Variants in CERK observed in about 807,000 individuals in gnomAD.
CERK encodes acylsphingosine kinase.
A neutral mutation model predicts 63.4 loss-of-function variants in CERK; 39 were observed. That is an observed-to-expected ratio of 0.61 (90% CI 0.48 to 0.80). The LOEUF is 0.80. Ranked by LOEUF, CERK falls within the 30% of genes least tolerant of loss-of-function variation. The probability of loss-of-function intolerance (pLI) is 0.00; values close to 1 mark genes in which losing one functional copy is unlikely to be tolerated. For missense variants in CERK, 670 were observed against 714.1 expected, an observed-to-expected ratio of 0.94 and a Z score of 0.70; for synonymous variants, 302 against 280.0, an observed-to-expected ratio of 1.08 and a Z score of -0.78.
At chr22:46,736,033 C>T (rs1379138976) in intron 1 of CERK, among the ~76,000 whole-genome samples, 2 of 152,176 alleles carry the variant, frequency 1.3e-5, no homozygotes, top group Non-Finnish European at 2.9e-5. Context: ...GGGCCACCAG[C>T]CAGGGCCCCA....
chr22:46,711,309 G>A (rs1401751232), intron 4 of CERK, among the ~76,000 whole-genome samples, 160 bp from the exon 5 acceptor site: 2 of 152,142 alleles, frequency 1.3e-5, no homozygotes. Context: ...TTATGGGACG[G>A]GATCAAGCTG....
chr22:46,703,698 C>G (rs910013804), intron 6 of CERK, among the ~76,000 whole-genome samples: 2 of 152,230 alleles, frequency 1.3e-5, no homozygotes, highest in Non-Finnish European at 2.9e-5. Context: ...GTCCAAGCCA[C>G]CAGCGTTCTC....
chr22:46,715,161 T>C (rs1490969269), intron 3 of CERK, among the ~76,000 whole-genome samples: 2 of 152,176 alleles, frequency 1.3e-5, no homozygotes, highest in Non-Finnish European at 2.9e-5. Flanking sequence ...ACATCATTCT[T>C]AATGGTGAAA....
rs1279298791 is a variant in CERK, at chr22:46,720,030, C to G, written c.379+56G>C. ...AGACACTTCAGGAAGATCACCCAATCAGGCATGCGCATGCCACCACGGCCA... is the reference window on the plus strand; with the variant it reads ...AGACACTTCAGGAAGATCACCCAATGAGGCATGCGCATGCCACCACGGCCA... On this transcript the variant is annotated intron_variant, in intron 3 of 12. Coordinates refer to ENST00000216264, the MANE Select transcript of CERK (RefSeq NM_022766.6). 3.5e-5 allele frequency: 56 copies of G among 1,579,376 alleles called. 1 individual carries two copies. The highest frequency in any genetic ancestry group is 4.7e-5 in the Non-Finnish European group (55 of 1,159,070).
chr22:46,696,887 C>T (rs1336474662), intron 8 of CERK, among the ~76,000 whole-genome samples: 1 of 152,218 alleles, frequency 6.6e-6, no homozygotes, highest in Non-Finnish European at 1.5e-5. Flanking sequence ...CCCACCCCAG[C>T]AGGCAGGGAC....
chr22:46,685,078 G>GA lies in CERK; in HGVS notation c.*2055_*2056insT, dbSNP rs71818735. The GA allele has an allele frequency of 3.2e-5, 2 of 62,528 alleles. No homozygotes were observed. Among genetic ancestry groups the GA allele is most frequent in the African/African-American group, 1.2e-4 (2 of 16,226 alleles). 3.9% of individuals were successfully genotyped at this position (62,528 alleles called of 1,614,324 possible). A position where few individuals can be genotyped will look rare whatever the true frequency, so the allele number is the denominator to read the frequency against. ...GTATGGGAAACTTTTTTTTTTGTTGGGGGGGGCGATGGAGTCTCCCTCTGT... is the reference window on the plus strand; with the variant it reads ...GTATGGGAAACTTTTTTTTTTGTTGGAGGGGGGCGATGGAGTCTCCCTCTGT... On this transcript the variant is annotated 3_prime_UTR_variant, in exon 13 of 13. Transcript: ENST00000216264.
At chr22:46,705,890 G>C (rs2082810362) in intron 6 of CERK, among the ~76,000 whole-genome samples, 2 of 152,058 alleles carry the variant, frequency 1.3e-5, no homozygotes, top group Admixed American at 1.3e-4. Flanking sequence ...AAAAAAAGTT[G>C]GCCGAGTGTG....
At chr22:46,696,281 G>A (rs550464604) in intron 8 of CERK, among the ~76,000 whole-genome samples, 1 of 152,344 alleles carries the variant, frequency 6.6e-6, no homozygotes, top group South Asian at 2.1e-4. Context: ...CAGGTGCCTG[G>A]AATGCACTCA....
Position 46,693,470 on chromosome 22 carries a change from C to T in CERK, c.1083G>A (p.Leu361=). The T allele has an allele frequency of 6.2e-7, 1 of 1,614,208 alleles. No individual in the cohort carries two copies. The highest frequency in any genetic ancestry group is 8.5e-7 in the Non-Finnish European group (1 of 1,180,030). ...ACAGTGCTTTCTTCTGCTCCTCCTC[C>T]AGCTGCTGCTTGCTTTGCCTGCAAA... is the stretch of plus-strand genomic sequence containing the variant. ...CFVCRQSKQQ[L]EEEQKKALYG... Residue 361 remains leucine, a synonymous_variant, in exon 10 of 13, where the codon CTG becomes CTA. Coordinates refer to ENST00000216264, the MANE Select transcript of CERK (RefSeq NM_022766.6).
intron 3 of CERK, among the ~76,000 whole-genome samples, chr22:46,712,771 C>T (rs559931472): frequency 6.6e-6 from 1 of 152,178 alleles, no homozygotes; most frequent in South Asian, 2.1e-4. Flanking sequence ...CCAGTGACCT[C>T]GTTTCCATCT....
Position 46,690,266 on chromosome 22 carries a change from C to T in CERK, c.1333-66G>A, listed in dbSNP as rs895263751. 1.0e-5 allele frequency: 14 copies of T among 1,344,616 alleles called. No individual in the cohort carries two copies. In the Admixed American group the frequency reaches 2.3e-4, roughly 22 times the overall value. The allele number at this position is 1,344,616 out of a possible 1,614,324, so 83.3% of individuals were successfully genotyped here. ...TCATCGTCTGGGTGGGGCAGCAGAA[C>T]ACCCCAGGCCTGACAGCGAGCGCTG... On this transcript the variant is annotated intron_variant, in intron 11 of 12. Transcript: ENST00000216264.
intron 1 of CERK, among the ~76,000 whole-genome samples, chr22:46,728,115 C>T (rs5769117): frequency 0.42 from 64,081 of 151,900 alleles, 15,807 homozygotes; most frequent in Non-Finnish European, 0.54. Context: ...CCTGCTTAGA[C>T]GACACCCGCA....
intron 6 of CERK, among the ~76,000 whole-genome samples, chr22:46,705,561 C>T (rs1306757264): frequency 6.6e-6 from 1 of 152,106 alleles, no homozygotes; most frequent in East Asian, 1.9e-4. Context: ...GTCTCAGCTG[C>T]TCAGGAGGCT....
At position 46,691,749 on chromosome 22, in the gene CERK, A is replaced by G; in HGVS notation, c.1155T>C (p.Cys385=). 6.2e-7 allele frequency: 1 copy of G among 1,612,342 alleles called. No homozygotes were observed. The highest frequency in any genetic ancestry group is 8.5e-7 in the Non-Finnish European group (1 of 1,178,616). ...AEDVEEWQVV[C]GKFLAINATN... ...TGGCATTGATGGCCAGAAACTTCCC[A>G]CAGACGACTTGCCACTCCTCCACGT... Residue 385 remains cysteine (C), a synonymous_variant, in exon 11 of 13, where the codon TGT becomes TGC. Coordinates refer to ENST00000216264, the MANE Select transcript of CERK (RefSeq NM_022766.6).
intron 10 of CERK, among the ~76,000 whole-genome samples, chr22:46,692,061 C>T (rs1207211125): frequency 6.6e-6 from 1 of 152,224 alleles, no homozygotes; most frequent in South Asian, 2.1e-4. Context: ...CAAACCAAGG[C>T]TGTGTGTCAG....
Position 46,690,038 on chromosome 22 carries a change from A to T in CERK, c.1495T>A (p.Trp499Arg). 6.2e-7 allele frequency: 1 copy of T among 1,612,962 alleles called. No individual in the cohort carries two copies. The highest frequency in any genetic ancestry group is 8.5e-7 in the Non-Finnish European group (1 of 1,179,960). The change falls in exon 12 of 13, where the codon TGG becomes AGG. Residue 499 changes from tryptophan (W) to arginine (R), a missense_variant. Trp to Arg is a moderately radical substitution (Grantham distance 101). Coordinates refer to ENST00000216264, the MANE Select transcript of CERK (RefSeq NM_022766.6). ...SCCCTVSNSSWNCDGEVLHSP... is the reference protein window; with the variant it reads ...SCCCTVSNSSRNCDGEVLHSP... The stretch of plus-strand genomic sequence containing the variant: ...TGCAGGACCTCCCCGTCGCAGTTCC[A>T]GGAGCTGTTGGAGACGGTGCAGCAG...
At chr22:46,701,439 C>T (rs760493098) in intron 7 of CERK, among the ~76,000 whole-genome samples, 197 bp downstream of exon 7, 1 of 152,236 alleles carries the variant, frequency 6.6e-6, no homozygotes, top group African/African-American at 2.4e-5. Flanking sequence ...CCCAGGAAGC[C>T]CGTCCTGACA....
At chr22:46,696,527 G>A (rs2082757259) in intron 8 of CERK, among the ~76,000 whole-genome samples, 1 of 152,170 alleles carries the variant, frequency 6.6e-6, no homozygotes, top group Non-Finnish European at 1.5e-5. Context: ...ACCGACATCT[G>A]ATGTCCCGGT....
chr22:46,723,262 A>C (rs1441359868), intron 1 of CERK, among the ~76,000 whole-genome samples: 1 of 152,264 alleles, frequency 6.6e-6, no homozygotes, highest in East Asian at 1.9e-4. Flanking sequence ...AAAAAGGGAC[A>C]GAAAAGTTAA....
Sources: allele counts gnomAD v4.1 joint callset (sites outside exome capture counted in the v4.1 genomes callset), GRCh38; gene constraint gnomAD v4.1.1; transcripts MANE v1.5; gene names NCBI Gene and HGNC (gene_info 2026-07-23, HGNC 2026-07-21).